The following SLX4IP variants were observed in gnomAD, a reference collection of about 807,000 sequenced individuals.
The protein encoded by SLX4IP is SLX4 interacting protein, also known as protein SLX4IP.
A neutral mutation model predicts 32.9 loss-of-function variants in SLX4IP; 34 were observed. The ratio of observed to expected loss-of-function variants is 1.03; its 90% confidence interval spans 0.79 to 1.38. The LOEUF (loss-of-function observed/expected upper bound fraction) is 1.38. Among genes scored for constraint, SLX4IP ranks in the 40% most tolerant of loss-of-function variants. The probability of loss-of-function intolerance (pLI) is 0.00; values close to 1 mark genes in which losing one functional copy is unlikely to be tolerated. For synonymous variants in SLX4IP, 172 were observed against 171.7 expected (o/e 1.00, Z -0.01); for missense variants, 444 against 479.0 (o/e 0.93, Z 0.68).
At chr20:10,469,795 C>T (rs1221414353) in intron 2 of SLX4IP, among the ~76,000 whole-genome samples, 4 of 152,174 alleles carry the variant, frequency 2.6e-5, no homozygotes, top group African/African-American at 9.7e-5. Flanking sequence ...CTCGTGCCCA[C>T]GTTACTATGA....
At chr20:10,505,742 T>A (rs1158825324) in intron 2 of SLX4IP, among the ~76,000 whole-genome samples, 1 of 152,236 alleles carries the variant, frequency 6.6e-6, no homozygotes, top group African/African-American at 2.4e-5. Flanking sequence ...GTCTCTCTCA[T>A]CTTCTATTTA....
At chr20:10,604,111 A>G (rs1001907826) in intron 6 of SLX4IP, among the ~76,000 whole-genome samples, 1 of 152,144 alleles carries the variant, frequency 6.6e-6, no homozygotes, top group Non-Finnish European at 1.5e-5. Context: ...TTGAATTCTT[A>G]TATCACTTTA....
chr20:10,471,880 C>T (rs1457226676), intron 2 of SLX4IP, among the ~76,000 whole-genome samples: 2 of 152,216 alleles, frequency 1.3e-5, no homozygotes, highest in Non-Finnish European at 2.9e-5. Flanking sequence ...GGTGTCTCAT[C>T]ACTCAGTAAT....
intron 2 of SLX4IP, among the ~76,000 whole-genome samples, chr20:10,498,671 T>C (rs1286437609): frequency 1.0e-5 from 1 of 99,666 alleles, no homozygotes; most frequent in Admixed American, 1.1e-4. Context: ...CAATTTCTTT[T>C]TTCTTTTCTT....
At chr20:10,458,617 G>A (rs540724605) in intron 2 of SLX4IP, among the ~76,000 whole-genome samples, 2 of 151,916 alleles carry the variant, frequency 1.3e-5, no homozygotes, top group African/African-American at 2.4e-5. Context: ...GCAGTATTTG[G>A]TTTTCTGTTC....
intron 1 of SLX4IP, among the ~76,000 whole-genome samples, chr20:10,447,687 G>A (rs193249900): frequency 6.6e-6 from 1 of 151,564 alleles, no homozygotes; most frequent in Admixed American, 6.6e-5. Flanking sequence ...ATGTTTATGT[G>A]CCTTTTTTCT....
At chr20:10,607,154 G>A (rs2066914381) in intron 6 of SLX4IP, among the ~76,000 whole-genome samples, 1 of 152,108 alleles carries the variant, frequency 6.6e-6, no homozygotes, top group African/African-American at 2.4e-5. Context: ...ATAGTCTTTA[G>A]GTTTAAGGGA....
chr20:10,598,600 G>T (rs1390439116), intron 4 of SLX4IP, 75 bp from the exon 5 acceptor site: 2 of 1,297,852 alleles, frequency 1.5e-6, no homozygotes, highest in East Asian at 2.3e-5. Flanking sequence ...GTCTTTTATG[G>T]CAGGCACTGG....
At chr20:10,477,455 T>C (rs1159466513) in intron 2 of SLX4IP, among the ~76,000 whole-genome samples, 1 of 152,176 alleles carries the variant, frequency 6.6e-6, no homozygotes, top group Non-Finnish European at 1.5e-5. Flanking sequence ...TTAGTAGAAA[T>C]GGGGTTTAAC....
At chr20:10,529,242 G>A (rs936687039) in intron 2 of SLX4IP, among the ~76,000 whole-genome samples, 4 of 152,072 alleles carry the variant, frequency 2.6e-5, no homozygotes, top group African/African-American at 7.2e-5. Context: ...GTAATCTTAC[G>A]TTCATTAGCC....
At chr20:10,503,676 T>A (rs2065737084) in intron 2 of SLX4IP, among the ~76,000 whole-genome samples, 1 of 152,168 alleles carries the variant, frequency 6.6e-6, no homozygotes, top group African/African-American at 2.4e-5. Context: ...ATATTTATTG[T>A]CTCATGGGTC....
chr20:10,472,889 C>T (rs1025246621), intron 2 of SLX4IP, among the ~76,000 whole-genome samples: 1 of 151,966 alleles, frequency 6.6e-6, no homozygotes, highest in Non-Finnish European at 1.5e-5. Flanking sequence ...TTGTTTCATT[C>T]AAGTATAAAA....
chr20:10,436,294 G>A (rs2065113244), intron 1 of SLX4IP, among the ~76,000 whole-genome samples: 1 of 152,080 alleles, frequency 6.6e-6, no homozygotes, highest in Admixed American at 6.5e-5. Flanking sequence ...TCTTCCTCAA[G>A]AAGTGTACCT....
chr20:10,607,783 C>G (rs1176275337), intron 6 of SLX4IP, among the ~76,000 whole-genome samples: 1 of 152,068 alleles, frequency 6.6e-6, no homozygotes, highest in Admixed American at 6.5e-5. Context: ...AAAAAAATCT[C>G]TAGGGTGAGA....
intron 2 of SLX4IP, among the ~76,000 whole-genome samples, chr20:10,516,132 C>T (rs1600950256): frequency 6.6e-6 from 1 of 152,302 alleles, no homozygotes; most frequent in African/African-American, 2.4e-5. Context: ...AAGGGAGCTG[C>T]CTACCTCGGC....
intron 4 of SLX4IP, among the ~76,000 whole-genome samples, chr20:10,569,806 G>A (rs545992077): frequency 2.0e-5 from 3 of 152,186 alleles, no homozygotes; most frequent in Admixed American, 6.5e-5. Flanking sequence ...ATAATTTTCC[G>A]CTATAAATGT....
intron 2 of SLX4IP, among the ~76,000 whole-genome samples, chr20:10,518,128 G>GT (rs1484693390): frequency 2.6e-5 from 4 of 152,134 alleles, no homozygotes; most frequent in Non-Finnish European, 5.9e-5. Context: ...GCTTACCTAC[G>GT]TAACAAACCT....
At chr20:10,480,920 T>C (rs939560149) in intron 2 of SLX4IP, among the ~76,000 whole-genome samples, 2 of 152,230 alleles carry the variant, frequency 1.3e-5, no homozygotes, top group Non-Finnish European at 2.9e-5. Flanking sequence ...ACCACTATTA[T>C]CTGATATTGA....
chr20:10,522,626 C>T (rs1333992250), intron 2 of SLX4IP, among the ~76,000 whole-genome samples: 1 of 152,154 alleles, frequency 6.6e-6, no homozygotes, highest in African/African-American at 2.4e-5. Context: ...AAGTGCCTTA[C>T]CCTCATTAAA....
Sources: gnomAD v4.1 joint callset for allele counts (sites outside exome capture counted in the v4.1 genomes callset) on GRCh38, gnomAD v4.1.1 for gene constraint, MANE v1.5 for transcripts, NCBI Gene and HGNC (gene_info 2026-07-23, HGNC 2026-07-21) for gene names.